KY: variants seen among roughly 807,000 people sequenced by gnomAD.
KY encodes kyphoscoliosis peptidase.
In KY, 43 loss-of-function variants were observed where a neutral mutation model predicts 76.1. The ratio of observed to expected loss-of-function variants is 0.57; its 90% confidence interval spans 0.44 to 0.73. KY has a LOEUF of 0.73. Among genes scored for constraint, KY ranks in the 30% least tolerant of loss-of-function variants. KY has a pLI of 0.00. For synonymous variants in KY, 277 were observed against 326.2 expected (o/e 0.85, Z 1.63); for missense variants, 722 against 828.9 (o/e 0.87, Z 1.58).
intron 2 of KY, among the ~76,000 whole-genome samples, chr3:134,645,642 G>C (rs563828796): frequency 2.0e-5 from 3 of 152,246 alleles, no homozygotes; most frequent in African/African-American, 2.4e-5. Context: ...CTTTACACAT[G>C]TTGATGGAGT....
chr3:134,639,326 C>T (rs1037331840), intron 3 of KY, among the ~76,000 whole-genome samples: 3 of 152,122 alleles, frequency 2.0e-5, no homozygotes, highest in African/African-American at 4.8e-5. Flanking sequence ...CCAAACACAG[C>T]ATGAAAACCC....
chr3:134,647,411 G>A, intron 2 of KY, 24 bp downstream of exon 2: 1 of 1,567,972 alleles, frequency 6.4e-7, no homozygotes, highest in Non-Finnish European at 8.8e-7. Flanking sequence ...AATCCTATAG[G>A]TTGAAAGGAA....
At chr3:134,628,466 AG>A (rs1963762916) in intron 4 of KY, among the ~76,000 whole-genome samples, 1 of 152,218 alleles carries the variant, frequency 6.6e-6, no homozygotes, top group African/African-American at 2.4e-5. Context: ...GGGGATGCCA[AG>A]GCAGGTAGTT....
intron 10 of KY, 178 bp downstream of exon 10, chr3:134,608,471 C>T (rs1577592507): frequency 1.3e-6 from 2 of 1,532,076 alleles, no homozygotes; most frequent in East Asian, 2.5e-5. Flanking sequence ...CCCTGATGGC[C>T]TGGGCTGCCT....
intron 3 of KY, among the ~76,000 whole-genome samples, chr3:134,638,190 C>T (rs1488691106): frequency 2.6e-5 from 4 of 152,158 alleles, no homozygotes; most frequent in African/African-American, 7.2e-5. Context: ...GGGCTGGACA[C>T]GCTGTTTCAA....
intron 10 of KY, chr3:134,607,408 G>T: frequency 1.0e-6 from 1 of 985,638 alleles, no homozygotes; most frequent in Non-Finnish European, 1.2e-6. Context: ...CTCCCCAGGG[G>T]CTCTGGGCCC....
intron 1 of KY, among the ~76,000 whole-genome samples, chr3:134,650,368 C>T (rs185684142): frequency 1.2e-3 from 187 of 152,286 alleles, no homozygotes; most frequent in Middle Eastern, 3.4e-3. Context: ...TTGTGCAAGG[C>T]CACACAGGGA....
intron 6 of KY, 94 bp downstream of exon 6, chr3:134,624,959 A>G: frequency 9.3e-7 from 1 of 1,080,188 alleles, no homozygotes; most frequent in Non-Finnish European, 1.4e-6. Flanking sequence ...GCCACTCAGG[A>G]TATGTTCAGG....
At chr3:134,612,394 A>G (rs369745089) in intron 8 of KY, among the ~76,000 whole-genome samples, 13 of 152,140 alleles carry the variant, frequency 8.5e-5, no homozygotes, top group Admixed American at 5.9e-4. Flanking sequence ...CAGCCTGCAT[A>G]CCTGGAGTGC....
chr3:134,634,925 A>C (rs1964723297), intron 3 of KY, among the ~76,000 whole-genome samples: 1 of 152,220 alleles, frequency 6.6e-6, no homozygotes, highest in Admixed American at 6.5e-5. Flanking sequence ...ATGCAGAGAA[A>C]TTGGATCTCA....
rs565502849 is a variant in KY at position 134,651,016 on chromosome 3, T to C, written c.-56A>G. ...CGGCCGCACGCTAGGCTGCTTGCGC[T>C]GCAAATGGCCCCGTGCGCGCAGCTG... On this transcript the variant is annotated 5_prime_UTR_variant, in exon 1 of 11. Transcript: ENST00000423778. 705 of 1,609,402 alleles carry C rather than the reference T, an allele frequency of 4.4e-4. 4 individuals carry two copies. In the African/African-American group the frequency reaches 8.6e-3, roughly 20 times the overall value.
chr3:134,629,437 T>G, intron 4 of KY, 184 bp downstream of exon 4: 1 of 564,058 alleles, frequency 1.8e-6, no homozygotes, highest in East Asian at 2.8e-5. Context: ...AAATCAGCGG[T>G]AGCTGGGTGT....
At chr3:134,627,612 T>C in intron 5 of KY, 144 bp downstream of exon 5, 1 of 683,358 alleles carries the variant, frequency 1.5e-6, no homozygotes, top group Non-Finnish European at 2.6e-6. Context: ...TAATCAATCA[T>C]GACACTCTTC....
At chr3:134,648,521 T>C (rs948155137) in intron 1 of KY, among the ~76,000 whole-genome samples, 5 of 152,218 alleles carry the variant, frequency 3.3e-5, no homozygotes, top group Admixed American at 6.5e-5. Context: ...CAGGAGTATA[T>C]GCACTCTACT....
In KY at chr3:134,619,144, G is replaced by C. The variant is rs202115421; in HGVS notation, c.710+4C>G. ...GTCAGCATGGGGACTCCTGTCTCTC[G>C]TACCTGCACATTCTCTCGAAGAGGC... On this transcript the variant is annotated splice_donor_region_variant and intron_variant, in intron 8 of 10. Transcript: ENST00000423778. 2 of 1,611,272 alleles carry C rather than the reference G, an allele frequency of 1.2e-6. No homozygotes were observed. The highest frequency in any genetic ancestry group is 1.1e-5 in the South Asian group (1 of 91,002).
chr3:134,650,971 C>G lies in KY; in HGVS notation c.-11G>C. 1 of 1,613,000 alleles carries G rather than the reference C, an allele frequency of 6.2e-7. No homozygotes were observed. Among genetic ancestry groups the G allele is most frequent in the South Asian group, 1.1e-5 (1 of 91,074 alleles). On this transcript the variant is annotated 5_prime_UTR_variant, in exon 1 of 11. Transcript: ENST00000423778. ...CTTCTTCAGCTCCATGATGCCGCCT[C>G]CTTTCCGACCTGGGCGCCGCGGCCG...
At chr3:134,627,719 T>G (rs1383280605) in intron 5 of KY, 37 bp downstream of exon 5, 1 of 1,587,362 alleles carries the variant, frequency 6.3e-7, no homozygotes, top group African/African-American at 1.3e-5. Flanking sequence ...ACCCATGTGC[T>G]CTCTTGAGAA....
At chr3:134,606,686 G>A (rs535400705) in intron 10 of KY, among the ~76,000 whole-genome samples, 33 of 152,294 alleles carry the variant, frequency 2.2e-4, no homozygotes, top group African/African-American at 7.9e-4. Flanking sequence ...ACGTCTTAGT[G>A]CCTGGTTGTG....
chr3:134,638,859 A>G (rs1468274189), intron 3 of KY, among the ~76,000 whole-genome samples: 2 of 152,216 alleles, frequency 1.3e-5, no homozygotes, highest in South Asian at 2.1e-4. Context: ...ATTAACTCTG[A>G]CTGATTGGAA....
Sources: gnomAD v4.1 joint callset for allele counts (sites outside exome capture counted in the v4.1 genomes callset) on GRCh38, gnomAD v4.1.1 for gene constraint, MANE v1.5 for transcripts, NCBI Gene and HGNC (gene_info 2026-07-23, HGNC 2026-07-21) for gene names.